The following BLTP3B variants were observed in gnomAD, a reference collection of about 807,000 sequenced individuals.
BLTP3B encodes bridge-like lipid transfer protein family member 3B.
chr12:100,077,787 G>A, the BLTP3B span, among the ~76,000 whole-genome samples: 2 of 151,982 alleles, frequency 1.3e-5, no homozygotes, highest in African/African-American at 2.4e-5. Context: ...ATATATTATC[G>A]TGTTGGTCTC....
the BLTP3B span, among the ~76,000 whole-genome samples, chr12:100,133,318 C>G: frequency 6.6e-6 from 1 of 152,110 alleles, no homozygotes; most frequent in Non-Finnish European, 1.5e-5. Context: ...TCTTTTATAG[C>G]AACATAAAAT....
At chr12:100,056,833 A>AAAAG in the BLTP3B span, among the ~76,000 whole-genome samples, 3 of 151,956 alleles carry the variant, frequency 2.0e-5, no homozygotes, top group East Asian at 5.8e-4. Context: ...TGAAAAAAAA[A>AAAAG]AAAGAAAGAA....
chr12:100,058,879 A>G, the BLTP3B span: 2 of 1,613,898 alleles, frequency 1.2e-6, no homozygotes, highest in Non-Finnish European at 1.7e-6. Context: ...GCCTCTGACG[A>G]GGAAGGGGAA....
At chr12:100,117,635 C>T in the BLTP3B span, among the ~76,000 whole-genome samples, 1 of 151,866 alleles carries the variant, frequency 6.6e-6, no homozygotes, top group Admixed American at 6.6e-5. Context: ...CCTTGACCTC[C>T]TCAACATGCC....
the BLTP3B span, among the ~76,000 whole-genome samples, chr12:100,073,363 A>ATTT: frequency 5.8e-3 from 807 of 139,804 alleles, 9 homozygotes; most frequent in African/African-American, 0.02. Flanking sequence ...ACAGACACAG[A>ATTT]TTTTTTTTTT....
the BLTP3B span, among the ~76,000 whole-genome samples, chr12:100,132,999 T>G: frequency 6.6e-6 from 1 of 152,016 alleles, no homozygotes; most frequent in Non-Finnish European, 1.5e-5. Flanking sequence ...ATCCCAGCAC[T>G]TTCAGAGGCC....
the BLTP3B span, among the ~76,000 whole-genome samples, chr12:100,124,447 A>T: frequency 8.6e-5 from 13 of 151,674 alleles, no homozygotes; most frequent in African/African-American, 1.7e-4. Flanking sequence ...ACAAAATATT[A>T]AAAAAAATAA....
the BLTP3B span, chr12:100,093,062 C>G: frequency 1.7e-6 from 1 of 590,092 alleles, no homozygotes; most frequent in Non-Finnish European, 2.1e-6. Flanking sequence ...TGTCCAAATT[C>G]TTCAATACAT....
chr12:100,128,869 C>T, the BLTP3B span: 2 of 637,606 alleles, frequency 3.1e-6, no homozygotes, highest in Non-Finnish European at 4.1e-6. Context: ...TCACTAAAGG[C>T]AAACTGCCTA....
the BLTP3B span, among the ~76,000 whole-genome samples, chr12:100,042,577 A>C: frequency 6.6e-6 from 1 of 152,182 alleles, no homozygotes; most frequent in Non-Finnish European, 1.5e-5. Flanking sequence ...ACATGAGAAA[A>C]TCATCATGAC....
the BLTP3B span, among the ~76,000 whole-genome samples, chr12:100,104,204 C>G: frequency 7.6e-6 from 1 of 131,656 alleles, no homozygotes; most frequent in South Asian, 2.4e-4. Flanking sequence ...TTCTTTTTTT[C>G]TTTTTTTTTT....
the BLTP3B span, among the ~76,000 whole-genome samples, chr12:100,116,169 C>CA: frequency 0.057 from 6,074 of 106,952 alleles, 335 homozygotes; most frequent in African/African-American, 0.14. Flanking sequence ...GAGACTGTCT[C>CA]AAAAAAAAAA....
At chr12:100,090,096 G>T in the BLTP3B span, among the ~76,000 whole-genome samples, 1 of 152,146 alleles carries the variant, frequency 6.6e-6, no homozygotes, top group African/African-American at 2.4e-5. Context: ...CCTGTCTCGG[G>T]TATGTCTTTA....
At chr12:100,040,159 G>C in the BLTP3B span, among the ~76,000 whole-genome samples, 1 of 152,062 alleles carries the variant, frequency 6.6e-6, no homozygotes. Context: ...AATCAGAAAC[G>C]AAAGACGTGA....
chr12:100,061,526 G>A, the BLTP3B span, among the ~76,000 whole-genome samples: 7 of 151,966 alleles, frequency 4.6e-5, no homozygotes, highest in South Asian at 2.1e-4. Context: ...GCGTGGTGGC[G>A]GGCGCCTGTA....
chr12:100,044,585 T>C, the BLTP3B span, among the ~76,000 whole-genome samples: 12 of 152,046 alleles, frequency 7.9e-5, no homozygotes, highest in African/African-American at 2.9e-4. Flanking sequence ...ATGCAAACAT[T>C]AAAGGTGAAC....
the BLTP3B span, among the ~76,000 whole-genome samples, chr12:100,060,691 A>G: frequency 6.6e-6 from 1 of 152,218 alleles, no homozygotes; most frequent in East Asian, 1.9e-4. Flanking sequence ...CTCCTAAAAT[A>G]AACTAATATT....
chr12:100,043,172 T>C, the BLTP3B span, among the ~76,000 whole-genome samples: 1 of 152,356 alleles, frequency 6.6e-6, no homozygotes, highest in East Asian at 1.9e-4. Context: ...GACTTTCATA[T>C]GCACTGGTAA....
the BLTP3B span, chr12:100,097,505 C>A: frequency 6.2e-7 from 1 of 1,606,568 alleles, no homozygotes. Context: ...AAAGTCAAAA[C>A]CTAAGGAGAA....
Sources: gnomAD v4.1 joint callset for allele counts (sites outside exome capture counted in the v4.1 genomes callset) on GRCh38, gnomAD v4.1.1 for gene constraint, MANE v1.5 for transcripts, NCBI Gene and HGNC (gene_info 2026-07-23, HGNC 2026-07-21) for gene names.